NDC1: variants seen among roughly 807,000 people sequenced by gnomAD.
NDC1 encodes nucleoporin NDC1.
In NDC1, 24 loss-of-function variants were observed where a neutral mutation model predicts 89.8. That is an observed-to-expected ratio of 0.27 (90% CI 0.19 to 0.38). The LOEUF is 0.38. Ranked by LOEUF, NDC1 falls within the 10% of genes least tolerant of loss-of-function variation. NDC1 has a pLI of 1.00. For synonymous variants in NDC1, 296 were observed against 284.8 expected (o/e 1.04, Z -0.39); for missense variants, 728 against 797.6 (o/e 0.91, Z 1.05).
chr1:53,815,413 T>C (rs761689271), intron 6 of NDC1, among the ~76,000 whole-genome samples: 1 of 152,224 alleles, frequency 6.6e-6, no homozygotes, highest in Non-Finnish European at 1.5e-5. Flanking sequence ...TCCTTTATAA[T>C]TAAAATTCTC....
chr1:53,832,129 C>A (rs1009818436), intron 3 of NDC1, among the ~76,000 whole-genome samples: 2 of 152,040 alleles, frequency 1.3e-5, no homozygotes, highest in Non-Finnish European at 2.9e-5. Flanking sequence ...TAACCACTAC[C>A]ACCATCCAGC....
chr1:53,798,963 A>T (rs1647819680), intron 11 of NDC1, among the ~76,000 whole-genome samples: 1 of 152,358 alleles, frequency 6.6e-6, no homozygotes, highest in Non-Finnish European at 1.5e-5. Context: ...TCAAAATATG[A>T]GACAAATTTT....
intron 2 of NDC1, among the ~76,000 whole-genome samples, chr1:53,834,269 T>A (rs1649159180): frequency 6.6e-6 from 1 of 152,210 alleles, no homozygotes; most frequent in Non-Finnish European, 1.5e-5. Flanking sequence ...TGGTAATGGC[T>A]CTCAAATACA....
chr1:53,818,020 A>G (rs1648535743), intron 6 of NDC1, among the ~76,000 whole-genome samples: 1 of 152,200 alleles, frequency 6.6e-6, no homozygotes, highest in Non-Finnish European at 1.5e-5. Flanking sequence ...ATCAAGTTAC[A>G]AATTATAAAA....
intron 16 of NDC1, among the ~76,000 whole-genome samples, chr1:53,779,282 A>G (rs1016307695): frequency 6.6e-6 from 1 of 152,094 alleles, no homozygotes; most frequent in African/African-American, 2.4e-5. Flanking sequence ...GTAGCTAGCT[A>G]CCATTATCAT....
intron 5 of NDC1, among the ~76,000 whole-genome samples, chr1:53,821,149 C>T (rs972074383): frequency 2.6e-5 from 4 of 151,866 alleles, no homozygotes; most frequent in African/African-American, 9.7e-5. Context: ...AAAAAGCAGC[C>T]CAGGCCAGGT....
intron 3 of NDC1, among the ~76,000 whole-genome samples, 190 bp downstream of exon 3, chr1:53,832,300 A>C (rs1394264465): frequency 6.6e-6 from 1 of 152,224 alleles, no homozygotes; most frequent in East Asian, 1.9e-4. Flanking sequence ...TGTCCTAAAA[A>C]GTCTAAAAAT....
chr1:53,789,149 A>G lies in NDC1; in HGVS notation c.1683T>C (p.His561=). Reference sequence around the variant, plus strand: ...ATTGCTTACCTTCTAATGCCCAAATATGCATTTGGGCATCTGAAAAAACAG... The same window carrying G: ...ATTGCTTACCTTCTAATGCCCAAATGTGCATTTGGGCATCTGAAAAAACAG... ...IQAVFSDAQM[H]IWALEGLSHL... is the part of the protein sequence containing the mutation. Residue 561 remains histidine (H), a synonymous_variant, in exon 15 of 18, where the codon CAT becomes CAC. Transcript: ENST00000371429. 1 of 1,600,780 alleles carries G rather than the reference A, an allele frequency of 6.2e-7. No individual in the cohort carries two copies. The highest frequency in any genetic ancestry group is 1.1e-5 in the South Asian group (1 of 89,896).
intron 5 of NDC1, among the ~76,000 whole-genome samples, chr1:53,823,802 T>C (rs1648749582): frequency 6.6e-6 from 1 of 152,156 alleles, no homozygotes; most frequent in South Asian, 2.1e-4. Context: ...TAGATAGGAC[T>C]TTTTTTTCAT....
intron 4 of NDC1, among the ~76,000 whole-genome samples, chr1:53,827,625 T>C (rs1040263540): frequency 3.3e-5 from 5 of 152,218 alleles, no homozygotes; most frequent in African/African-American, 1.2e-4. Flanking sequence ...AACCAAATGC[T>C]ACCTCTTCCA....
intron 16 of NDC1, among the ~76,000 whole-genome samples, chr1:53,779,585 G>A (rs575460996): frequency 6.6e-6 from 1 of 152,218 alleles, no homozygotes; most frequent in African/African-American, 2.4e-5. Context: ...ACTCTGCCAA[G>A]CTCTCCCAAA....
chr1:53,794,995 C>T (rs74084413), intron 13 of NDC1, among the ~76,000 whole-genome samples: 9,269 of 152,192 alleles, frequency 0.061, 847 homozygotes, highest in African/African-American at 0.2. Context: ...GTCTCCAATT[C>T]GTCTACCAAT....
chr1:53,825,714 G>T, intron 5 of NDC1, 84 bp downstream of exon 5: 2 of 1,122,270 alleles, frequency 1.8e-6, no homozygotes, highest in Non-Finnish European at 1.2e-6. Flanking sequence ...GAATGAATCA[G>T]ATAAATCCAG....
At position 53,787,159 on chromosome 1, in the gene NDC1, T is replaced by G; in HGVS notation, c.1799A>C (p.Glu600Ala). Residue 600 changes from glutamate to alanine, a missense_variant and splice_region_variant, in exon 16 of 18, where the codon GAG becomes GCG. Glu to Ala is a moderately radical substitution (Grantham distance 107). Coordinates refer to ENST00000371429, the MANE Select transcript of NDC1 (RefSeq NM_018087.5). ...AILNTLLTLQ[E>A]AVDKYFKLPH... is the part of the protein sequence containing the mutation. ...CCTCCCAACCCACAGATTTCTTACC[T>G]CTTGCAGTGTCAACAAAGTATTAAG... 2.5e-6 allele frequency: 4 copies of G among 1,583,792 alleles called. No individual in the cohort carries two copies. The East Asian group carries it at 6.7e-5, about 27-fold the overall frequency.
At chr1:53,787,073 T>C (rs1477323672) in intron 16 of NDC1, 85 bp downstream of exon 16, 1 of 642,438 alleles carries the variant, frequency 1.6e-6, no homozygotes, top group African/African-American at 1.8e-5. Flanking sequence ...TGTCACTCGA[T>C]AAATGTGATA....
chr1:53,814,015 C>T (rs1201988272), intron 6 of NDC1, among the ~76,000 whole-genome samples: 1 of 152,180 alleles, frequency 6.6e-6, no homozygotes, highest in African/African-American at 2.4e-5. Flanking sequence ...AAATAATCTG[C>T]TCCTGAATGA....
intron 6 of NDC1, among the ~76,000 whole-genome samples, chr1:53,818,515 G>C (rs1292442813): frequency 6.6e-6 from 1 of 151,988 alleles, no homozygotes; most frequent in Non-Finnish European, 1.5e-5. Flanking sequence ...TTGTGCAACA[G>C]ATTTCTAGAA....
At chr1:53,826,415 C>A (rs868292445) in intron 4 of NDC1, among the ~76,000 whole-genome samples, 3 of 152,168 alleles carry the variant, frequency 2.0e-5, no homozygotes, top group Non-Finnish European at 4.4e-5. Context: ...ATGTCCGATA[C>A]CGATTTTTTT....
intron 13 of NDC1, 33 bp from the exon 14 acceptor site, chr1:53,793,312 T>C (rs374310670): frequency 3.9e-6 from 6 of 1,525,230 alleles, no homozygotes; most frequent in East Asian, 2.2e-5. Flanking sequence ...TTAACACATT[T>C]ACCTTTTAAA....
Sources: gnomAD v4.1 joint callset for allele counts (sites outside exome capture counted in the v4.1 genomes callset) on GRCh38, gnomAD v4.1.1 for gene constraint, MANE v1.5 for transcripts, NCBI Gene and HGNC (gene_info 2026-07-23, HGNC 2026-07-21) for gene names.